Variants in DMD observed in about 807,000 individuals in gnomAD.
DMD encodes the protein mutant dystrophin.
In DMD, 63 loss-of-function variants were observed where a neutral mutation model predicts 330.1. The observed-to-expected ratio is 0.19, with a 90% CI of 0.16 to 0.24. DMD has a LOEUF of 0.24. Ranked by LOEUF, DMD falls within the 10% of genes least tolerant of loss-of-function variation. DMD has a pLI of 1.00. For missense variants in DMD, 3,344 were observed against 2,684.1 expected (o/e 1.25, Z -5.43); for synonymous variants, 1,223 against 959.8 (o/e 1.27, Z -5.07).
Position 31,929,758 on chromosome X carries a change from A to C in DMD, c.6763-13T>G. The stretch of plus-strand genomic sequence containing the variant: ...CTTCCACCAGTAACTGAAACAGACA[A>C]ATGCAACAACGTTTAAAATGAATTA... On this transcript the variant is annotated splice_polypyrimidine_tract_variant and intron_variant, in intron 46 of 78. Transcript: ENST00000357033. 8.3e-7 allele frequency: 1 copy of C among 1,210,357 alleles called. No homozygotes were observed. The highest frequency in any genetic ancestry group is 1.1e-6 in the Non-Finnish European group (1 of 894,664).
In DMD at chrX:31,592,432, TTGA is replaced by T. The variant is rs992364046; in HGVS notation, c.8217+35238_8217+35240del. Among the ~76,000 whole-genome samples, 6 of 104,422 alleles carry T rather than the reference TTGA, an allele frequency of 5.7e-5. No individual in the cohort carries two copies. The South Asian group carries it at 1.3e-3, about 22-fold the overall frequency. The allele number at this position is 104,422 out of a possible 115,157, so 90.7% of individuals were successfully genotyped here. A position where few individuals can be genotyped will look rare whatever the true frequency, so the allele number is the denominator to read the frequency against. ...ACATAGAAATATTTTAATGAGGAAT[TTGA>T]TGATGGCCAATTTTCAATGATTTAA... On this transcript the variant is annotated intron_variant, in intron 55 of 78. Transcript: ENST00000357033.
chrX:31,547,817 C>T (rs762958831), intron 55 of DMD, among the ~76,000 whole-genome samples: 1 of 112,003 alleles, frequency 8.9e-6, no homozygotes, highest in South Asian at 3.7e-4. Context: ...TGAAACCATA[C>T]TCAAAAGTGG....
intron 37 of DMD, among the ~76,000 whole-genome samples, chrX:32,354,481 C>T (rs576860120): frequency 1.8e-4 from 20 of 111,099 alleles, no homozygotes; most frequent in African/African-American, 5.8e-4. Flanking sequence ...AGGAAAAGAA[C>T]TTACAAAAAC....
chrX:31,799,332 A>T (rs1007576172), intron 50 of DMD, among the ~76,000 whole-genome samples: 3 of 111,796 alleles, frequency 2.7e-5, no homozygotes, highest in African/African-American at 9.8e-5. Context: ...GGGAGGCCTC[A>T]GGAAACTTAC....
At chrX:32,613,065 A>G (rs776171081) in intron 12 of DMD, among the ~76,000 whole-genome samples, 26 of 112,019 alleles carry the variant, frequency 2.3e-4, no homozygotes, top group Non-Finnish European at 4.3e-4. Context: ...AGATATTCCT[A>G]TTCAAAGCCA....
At chrX:31,750,553 T>C (rs1214564874) in intron 51 of DMD, among the ~76,000 whole-genome samples, 3 of 111,199 alleles carry the variant, frequency 2.7e-5, no homozygotes, top group African/African-American at 6.6e-5. Context: ...TGTAGCCTTG[T>C]ACTATAGAAG....
At chrX:32,673,862 A>G (rs2061791086) in intron 9 of DMD, among the ~76,000 whole-genome samples, 1 of 111,936 alleles carries the variant, frequency 8.9e-6, no homozygotes, top group Admixed American at 9.5e-5. Flanking sequence ...CAAATCATAG[A>G]ATTTGGGTTA....
chrX:31,480,554 T>G (rs201330029), intron 57 of DMD, among the ~76,000 whole-genome samples: 1,174 of 91,338 alleles, frequency 0.013, 19 homozygotes, highest in African/African-American at 0.041. Flanking sequence ...ATCTCCATGT[T>G]TGTGTGTGTG....
intron 1 of DMD, among the ~76,000 whole-genome samples, chrX:33,299,527 G>A (rs2053631747): frequency 9.0e-6 from 1 of 111,616 alleles, no homozygotes; most frequent in South Asian, 3.7e-4. Flanking sequence ...AAGGCCTAGT[G>A]AGGAAAGATG....
At chrX:33,041,504 T>C (rs1469803269) in intron 1 of DMD, 1 of 1,205,337 alleles carries the variant, frequency 8.3e-7, no homozygotes, top group Non-Finnish European at 1.1e-6. Flanking sequence ...GAAGAAAAGA[T>C]TGAAAAAATG....
At chrX:32,958,224 T>C (rs1334635994) in intron 2 of DMD, among the ~76,000 whole-genome samples, 2 of 111,795 alleles carry the variant, frequency 1.8e-5, no homozygotes, top group Non-Finnish European at 3.8e-5. Context: ...GGTTATGTTA[T>C]GCTTCAATAA....
At chrX:31,531,972 A>G (rs1205598967) in intron 55 of DMD, among the ~76,000 whole-genome samples, 54 of 84,489 alleles carry the variant, frequency 6.4e-4, no homozygotes, top group African/African-American at 2.4e-3. Context: ...CCTCCAAGAA[A>G]TATGGGACTA....
At chrX:32,519,634 C>A (rs532956827) in intron 17 of DMD, among the ~76,000 whole-genome samples, 51 of 111,987 alleles carry the variant, frequency 4.6e-4, no homozygotes, top group Middle Eastern at 4.6e-3. Context: ...ACTTTCAACT[C>A]ACATTGCAAT....
chrX:31,383,985 G>T (rs2060312435), intron 60 of DMD, among the ~76,000 whole-genome samples: 1 of 111,896 alleles, frequency 8.9e-6, no homozygotes, highest in Non-Finnish European at 1.9e-5. Flanking sequence ...AGTACAGAAG[G>T]CTGTCACACT....
intron 26 of DMD, among the ~76,000 whole-genome samples, chrX:32,450,219 T>C (rs954434804): frequency 9.1e-6 from 1 of 110,118 alleles, no homozygotes; most frequent in African/African-American, 3.3e-5. Flanking sequence ...AGGTAAGGGC[T>C]TATTGGCAGG....
chrX:32,304,940 A>G (rs375529518), intron 42 of DMD, among the ~76,000 whole-genome samples: 17 of 111,826 alleles, frequency 1.5e-4, no homozygotes, highest in African/African-American at 5.5e-4. Flanking sequence ...AGCATTTGCA[A>G]ACAAATTTTG....
intron 1 of DMD, among the ~76,000 whole-genome samples, chrX:33,026,651 G>C (rs5928155): frequency 0.096 from 10,671 of 111,063 alleles, 666 homozygotes; most frequent in East Asian, 0.23. Context: ...CTTTGATTAT[G>C]GGATTTTTCT....
intron 1 of DMD, among the ~76,000 whole-genome samples, chrX:33,160,397 G>A: frequency 9.0e-6 from 1 of 111,329 alleles, no homozygotes; most frequent in Middle Eastern, 4.7e-3. Context: ...GTGAAGGAAG[G>A]CTCTACTTCC....
intron 51 of DMD, among the ~76,000 whole-genome samples, chrX:31,742,699 G>T (rs933666699): frequency 8.9e-6 from 1 of 111,987 alleles, no homozygotes; most frequent in Non-Finnish European, 1.9e-5. Flanking sequence ...ATTAACTCAA[G>T]ATGGAATAAA....
Sources: gnomAD v4.1 joint callset for allele counts (sites outside exome capture counted in the v4.1 genomes callset) on GRCh38, gnomAD v4.1.1 for gene constraint, MANE v1.5 for transcripts, NCBI Gene and HGNC (gene_info 2026-07-23, HGNC 2026-07-21) for gene names.